Variants in ZNF727 observed in about 807,000 individuals in gnomAD.
The protein encoded by ZNF727 is zinc finger protein 727, also known as putative zinc finger protein 727.
Under a neutral mutation model 11.5 loss-of-function variants are expected in ZNF727, and 11 were observed. That is an observed-to-expected ratio of 0.95 (90% CI 0.60 to 1.58). The LOEUF (loss-of-function observed/expected upper bound fraction) is 1.58, where lower values mean the gene tolerates loss of function less well. ZNF727 is among the 40% of genes most tolerant of loss of function. ZNF727 has a pLI of 0.00. For missense variants in ZNF727, 533 were observed against 581.7 expected (o/e 0.92, Z 0.86); for synonymous variants, 171 against 196.1 (o/e 0.87, Z 1.07).
chr7:64,052,566 C>G (rs1789619424), intron 1 of ZNF727, among the ~76,000 whole-genome samples: 1 of 152,002 alleles, frequency 6.6e-6, no homozygotes, highest in African/African-American at 2.4e-5. Flanking sequence ...GGGGTCAGAG[C>G]CCCCACACAA....
chr7:64,072,859 A>G (rs1436431931), intron 3 of ZNF727, among the ~76,000 whole-genome samples: 1 of 152,074 alleles, frequency 6.6e-6, no homozygotes, highest in East Asian at 1.9e-4. Context: ...CCTGAAAAAC[A>G]AAATTATGAT....
Position 64,077,820 on chromosome 7 carries a change from A to C in ZNF727, c.771A>C (p.Lys257Asn). 2 of 1,568,792 alleles carry C rather than the reference A, an allele frequency of 1.3e-6. No homozygotes were observed. Among genetic ancestry groups the C allele is most frequent in the Non-Finnish European group, 1.7e-6 (2 of 1,156,594 alleles). Residue 257 changes from lysine (K) to asparagine (N), a missense_variant, in exon 4 of 4, where the codon AAA becomes AAC. Physicochemically the swap from Lys to Asn is moderately conservative, Grantham distance 94. This residue lies in a region of ZNF727 where 463 missense variants were observed against 494.5 expected (regional missense o/e 0.94). Transcript: ENST00000456806. ...KRNHTGDRPY[K>N]CEECHKAFRC... ...ATCATACTGGAGACAGACCCTACAA[A>C]TGCGAAGAATGTCACAAAGCCTTTA...
At chr7:64,074,080 C>T (rs754169050) in intron 3 of ZNF727, among the ~76,000 whole-genome samples, 4 of 152,114 alleles carry the variant, frequency 2.6e-5, no homozygotes, top group Non-Finnish European at 4.4e-5. Context: ...GTTGGAAAGT[C>T]TTTAAGCTAG....
chr7:64,059,422 T>C (rs1483108712), intron 1 of ZNF727, among the ~76,000 whole-genome samples: 3 of 152,226 alleles, frequency 2.0e-5, no homozygotes, highest in Admixed American at 6.5e-5. Flanking sequence ...GTTTTTCGCC[T>C]GTAGAAATAA....
At chr7:64,048,029 G>C (rs1789535439) in intron 1 of ZNF727, among the ~76,000 whole-genome samples, 1 of 152,308 alleles carries the variant, frequency 6.6e-6, no homozygotes, top group South Asian at 2.1e-4. Context: ...ATGGGGGTGG[G>C]AGAATCTCTC....
chr7:64,069,075 T>G, intron 2 of ZNF727, 58 bp downstream of exon 2: 1 of 1,458,778 alleles, frequency 6.9e-7, no homozygotes, highest in Non-Finnish European at 9.1e-7. Context: ...ATTTCCTCTT[T>G]TTTTTTTTGA....
chr7:64,064,750 C>CT (rs1789836279), intron 1 of ZNF727, among the ~76,000 whole-genome samples: 1 of 152,174 alleles, frequency 6.6e-6, no homozygotes, highest in Non-Finnish European at 1.5e-5. Flanking sequence ...CACTTCCTCT[C>CT]TGACTACGGC....
At chr7:64,057,411 A>G (rs1789702054) in intron 1 of ZNF727, among the ~76,000 whole-genome samples, 1 of 152,198 alleles carries the variant, frequency 6.6e-6, no homozygotes, top group Non-Finnish European at 1.5e-5. Context: ...TGACAAGGAC[A>G]TGGATGGAGC....
intron 1 of ZNF727, among the ~76,000 whole-genome samples, chr7:64,066,499 A>G (rs1789871795): frequency 1.3e-5 from 2 of 152,242 alleles, no homozygotes; most frequent in South Asian, 4.1e-4. Context: ...ATAATACCGC[A>G]TATCTGCAGC....
intron 1 of ZNF727, 74 bp downstream of exon 1, chr7:64,045,698 G>T: frequency 6.5e-7 from 1 of 1,545,510 alleles, no homozygotes; most frequent in Non-Finnish European, 8.8e-7. Context: ...GCTGCGGTGG[G>T]ATCTTGGCCT....
intron 1 of ZNF727, among the ~76,000 whole-genome samples, chr7:64,067,903 T>TAA (rs5884534): frequency 1.1e-4 from 17 of 151,502 alleles, no homozygotes; most frequent in African/African-American, 3.6e-4. Context: ...TTAAAGCTTT[T>TAA]AAAAAAAAGT....
At position 64,077,345 on chromosome 7, in the gene ZNF727, T is replaced by G; in HGVS notation, c.296T>G (p.Ile99Ser). The change falls in exon 4 of 4, where the codon ATC (isoleucine) becomes AGC (serine). Residue 99 changes from isoleucine to serine, a missense_variant. By Grantham distance (142) the Ile-to-Ser change is moderately radical (BLOSUM62 -2). Transcript: ENST00000456806. ...ATAAACGATTCATTTCAAAAAGTGA[T>G]CCTGAGAAAATCTGGAAGCTGTGAC... ...HDINDSFQKV[I>S]LRKSGSCDLN... 6.4e-7 allele frequency: 1 copy of G among 1,551,258 alleles called. No individual in the cohort carries two copies. The highest frequency in any genetic ancestry group is 8.7e-7 in the Non-Finnish European group (1 of 1,146,848).
In ZNF727 at chr7:64,047,061, A is replaced by G. The variant is rs536042964; in HGVS notation, c.3+1437A>G. Among the ~76,000 whole-genome samples, 19 of 152,180 alleles carry G rather than the reference A, an allele frequency of 1.2e-4. No individual in the cohort carries two copies. The South Asian group carries it at 2.7e-3, about 22-fold the overall frequency. Reference sequence around the variant, plus strand: ...GTTTCCTTAGGCAGAATCCCAGAGCATCATGGCCATTTCAGCCTAATTGCC... The same window carrying G: ...GTTTCCTTAGGCAGAATCCCAGAGCGTCATGGCCATTTCAGCCTAATTGCC... On this transcript the variant is annotated intron_variant, in intron 1 of 3. Transcript: ENST00000456806.
chr7:64,046,697 C>A (rs1789513227), intron 1 of ZNF727, among the ~76,000 whole-genome samples: 2 of 152,170 alleles, frequency 1.3e-5, no homozygotes, highest in Non-Finnish European at 2.9e-5. Flanking sequence ...TATAAATTAC[C>A]CAGTCTGAGG....
intron 1 of ZNF727, among the ~76,000 whole-genome samples, chr7:64,061,587 T>C (rs561060722): frequency 5.6e-4 from 85 of 152,054 alleles, no homozygotes; most frequent in Non-Finnish European, 1.0e-3. Flanking sequence ...GTATGTATCT[T>C]GTAGGAAACA....
In ZNF727 at chr7:64,077,358, T is replaced by C; in HGVS notation, c.309T>C (p.Ser103=). The C allele has an allele frequency of 4.5e-6, 7 of 1,551,512 alleles. No individual in the cohort carries two copies. The highest frequency in any genetic ancestry group is 6.1e-6 in the Non-Finnish European group (7 of 1,146,926). The change falls in exon 4 of 4, where the codon TCT becomes TCC. Residue 103 remains serine, a synonymous_variant. Transcript: ENST00000456806. The part of the protein sequence containing the change: ...DSFQKVILRK[S]GSCDLNTLRL... ...TTCAAAAAGTGATCCTGAGAAAATCTGGAAGCTGTGACCTTAATACTTTAC... is the reference window on the plus strand; with the variant it reads ...TTCAAAAAGTGATCCTGAGAAAATCCGGAAGCTGTGACCTTAATACTTTAC...
chr7:64,046,008 T>G (rs1002622062), intron 1 of ZNF727, among the ~76,000 whole-genome samples: 1 of 151,930 alleles, frequency 6.6e-6, no homozygotes, highest in African/African-American at 2.4e-5. Flanking sequence ...TTTTAAAAAT[T>G]GTGGCTTATT....
chr7:64,065,025 T>G (rs146843755), intron 1 of ZNF727, among the ~76,000 whole-genome samples: 1,826 of 152,216 alleles, frequency 0.012, 16 homozygotes, highest in Non-Finnish European at 0.02. Context: ...CCCCAGAGTT[T>G]TGGTTCTTAG....
intron 1 of ZNF727, among the ~76,000 whole-genome samples, chr7:64,060,339 A>G (rs1338072644): frequency 1.3e-5 from 2 of 152,254 alleles, no homozygotes; most frequent in African/African-American, 4.8e-5. Flanking sequence ...GTACAGAATT[A>G]CCAGACAGGA....
Sources: allele counts gnomAD v4.1 joint callset (sites outside exome capture counted in the v4.1 genomes callset), GRCh38; gene constraint gnomAD v4.1.1; regional missense constraint gnomAD v4.1.1; transcripts MANE v1.5; gene names NCBI Gene and HGNC (gene_info 2026-07-23, HGNC 2026-07-21).